Variants in DIP2C observed in about 807,000 individuals in gnomAD.
DIP2C encodes the protein disco-interacting protein 2 homolog C.
In DIP2C, 33 loss-of-function variants were observed where a neutral mutation model predicts 192.4. That is an observed-to-expected ratio of 0.17 (90% CI 0.13 to 0.23). DIP2C has a LOEUF of 0.23. DIP2C is among the 10% of genes least tolerant of loss of function. The probability of loss-of-function intolerance (pLI) is 1.00; values close to 1 mark genes in which losing one functional copy is unlikely to be tolerated. For missense variants in DIP2C, 1,537 were observed against 2,110.1 expected, an observed-to-expected ratio of 0.73 and a Z score of 5.32; for synonymous variants, 979 against 864.1, an observed-to-expected ratio of 1.13 and a Z score of -2.33.
intron 4 of DIP2C, among the ~76,000 whole-genome samples, chr10:431,506 C>T (rs893166408): frequency 2.0e-5 from 3 of 152,078 alleles, no homozygotes; most frequent in Non-Finnish European, 4.4e-5. Context: ...AGGCTGGTCT[C>T]GAACTCCTGA....
chr10:531,450 T>A (rs182793977), intron 1 of DIP2C, among the ~76,000 whole-genome samples: 1 of 152,176 alleles, frequency 6.6e-6, no homozygotes, highest in African/African-American at 2.4e-5. Context: ...CCTTCCTCTG[T>A]ACATCTCATG....
At chr10:340,800 G>A (rs1449937116) in intron 29 of DIP2C, 1 of 458,666 alleles carries the variant, frequency 2.2e-6, no homozygotes, top group African/African-American at 2.0e-5. Flanking sequence ...CCCAGCCTAA[G>A]CCCCGCAGTA....
intron 4 of DIP2C, among the ~76,000 whole-genome samples, chr10:423,996 T>C (rs1966397623): frequency 6.6e-6 from 1 of 152,230 alleles, no homozygotes; most frequent in African/African-American, 2.4e-5. Context: ...TTTTTCACTA[T>C]AATTTATGAG....
chr10:470,703 C>T (rs1447611412), intron 3 of DIP2C, among the ~76,000 whole-genome samples: 1 of 152,186 alleles, frequency 6.6e-6, no homozygotes, highest in East Asian at 1.9e-4. Context: ...AGGAAACACG[C>T]AGTGGCGACT....
At chr10:441,647 T>C (rs1423195261) in intron 3 of DIP2C, among the ~76,000 whole-genome samples, 1 of 152,210 alleles carries the variant, frequency 6.6e-6, no homozygotes, top group Non-Finnish European at 1.5e-5. Flanking sequence ...GCTGCTGACA[T>C]GTAAAAAGTG....
At chr10:321,312 C>A (rs965676742) in intron 31 of DIP2C, among the ~76,000 whole-genome samples, 1 of 152,254 alleles carries the variant, frequency 6.6e-6, no homozygotes, top group Middle Eastern at 3.2e-3. Context: ...GCAGTCATAA[C>A]ACTCATGAAC....
rs567694559 is a variant in DIP2C, at chr10:653,209, G to T, written c.85+36285C>A. 1.0e-3 allele frequency among the ~76,000 whole-genome samples: 154 copies of T among 152,304 alleles called. 1 individual carries two copies. The highest frequency in any genetic ancestry group is 3.6e-3 in the African/African-American group (149 of 41,558). ...CATGCCTATAATGCCAGCACTTTGG[G>T]AGGCCAAGGTGGGCAGATCACTTGA... On this transcript the variant is annotated intron_variant, in intron 1 of 36. Coordinates refer to ENST00000280886, the MANE Select transcript of DIP2C (RefSeq NM_014974.3).
chr10:462,768 A>G (rs1295508468), intron 3 of DIP2C, among the ~76,000 whole-genome samples: 1 of 152,234 alleles, frequency 6.6e-6, no homozygotes, highest in African/African-American at 2.4e-5. Context: ...CAATGTGAAA[A>G]TCCTCAATAA....
intron 1 of DIP2C, among the ~76,000 whole-genome samples, chr10:639,356 C>T (rs1855026571): frequency 6.8e-6 from 1 of 147,204 alleles, no homozygotes; most frequent in Non-Finnish European, 1.5e-5. Context: ...CGGGAGGGTG[C>T]TGCCCGGCTC....
chr10:567,865 G>A (rs1043133651), intron 1 of DIP2C, among the ~76,000 whole-genome samples: 10 of 151,696 alleles, frequency 6.6e-5, no homozygotes, highest in Admixed American at 2.0e-4. Context: ...CCTGACCTCC[G>A]GTGATCCACC....
At chr10:473,900 G>A (rs917813394) in intron 2 of DIP2C, among the ~76,000 whole-genome samples, 7 of 152,182 alleles carry the variant, frequency 4.6e-5, no homozygotes, top group African/African-American at 1.7e-4. Flanking sequence ...ATCAGCTTTT[G>A]ATGGTGCGTG....
chr10:598,093 C>T (rs934009785), intron 1 of DIP2C, among the ~76,000 whole-genome samples: 31 of 152,354 alleles, frequency 2.0e-4, no homozygotes, highest in African/African-American at 7.2e-4. Context: ...GCAGGACACG[C>T]GTGGACAAGG....
rs527714687 is a variant in DIP2C, at chr10:618,632, CTTTG to C, written c.85+70858_85+70861del. Reference sequence around the variant, plus strand: ...ATGATTTTTAGACTCTCATGACAGACTTTGTTTGCTTTTATGCAACAAAGTTAAA... The same window carrying C: ...ATGATTTTTAGACTCTCATGACAGACTTTGCTTTTATGCAACAAAGTTAAA... On this transcript the variant is annotated intron_variant, in intron 1 of 36. Transcript: ENST00000280886. 2.0e-3 allele frequency among the ~76,000 whole-genome samples: 312 copies of C among 152,358 alleles called. 1 individual carries two copies. The highest frequency in any genetic ancestry group is 0.01 in the Middle Eastern group (3 of 294).
chr10:495,345 C>G (rs1334961222), intron 1 of DIP2C, among the ~76,000 whole-genome samples: 1 of 152,124 alleles, frequency 6.6e-6, no homozygotes, highest in African/African-American at 2.4e-5. Flanking sequence ...GCCTGAAATT[C>G]AGTTAACAAT....
At chr10:392,338 G>A (rs571590372) in intron 10 of DIP2C, among the ~76,000 whole-genome samples, 38 of 152,338 alleles carry the variant, frequency 2.5e-4, no homozygotes, top group African/African-American at 8.4e-4. Flanking sequence ...GCTCATGGCT[G>A]TGGGTGGAAT....
intron 1 of DIP2C, among the ~76,000 whole-genome samples, chr10:530,214 A>G (rs2130855461): frequency 6.6e-6 from 1 of 152,372 alleles, no homozygotes; most frequent in East Asian, 1.9e-4. Flanking sequence ...AAAGGGTGTC[A>G]GCAACTAACA....
In DIP2C at chr10:472,570, CAG is replaced by C. The variant is rs750551458; in HGVS notation, c.158-23_158-22del. On this transcript the variant is annotated intron_variant, in intron 2 of 36. Coordinates refer to ENST00000280886, the MANE Select transcript of DIP2C (RefSeq NM_014974.3). Reference sequence around the variant, plus strand: ...CACCCCTGGATTTCAATAAAAACAGCAGAGTGAGGTGTGACTGTACTCAGCGG... The same window carrying C: ...CACCCCTGGATTTCAATAAAAACAGCAGTGAGGTGTGACTGTACTCAGCGG... The C allele has an allele frequency of 1.9e-5, 31 of 1,598,464 alleles. No individual in the cohort carries two copies. The South Asian group carries it at 2.4e-4, about 13-fold the overall frequency.
intron 1 of DIP2C, among the ~76,000 whole-genome samples, chr10:512,098 T>C (rs1846054763): frequency 6.6e-6 from 1 of 152,220 alleles, no homozygotes; most frequent in African/African-American, 2.4e-5. Flanking sequence ...GGCCTCCTGC[T>C]CTTTGTAAAT....
At chr10:640,594 T>C (rs1384468400) in intron 1 of DIP2C, among the ~76,000 whole-genome samples, 1 of 150,102 alleles carries the variant, frequency 6.7e-6, no homozygotes, top group African/African-American at 2.5e-5. Flanking sequence ...CGAGGGTGCG[T>C]GCCGGGACGA....
Sources: allele counts gnomAD v4.1 joint callset (sites outside exome capture counted in the v4.1 genomes callset), GRCh38; gene constraint gnomAD v4.1.1; transcripts MANE v1.5; gene names NCBI Gene and HGNC (gene_info 2026-07-23, HGNC 2026-07-21).